IL20RB: variants seen among roughly 807,000 people sequenced by gnomAD.
The protein encoded by IL20RB is interleukin-20 receptor subunit beta.
In IL20RB, 21 loss-of-function variants were observed where a neutral mutation model predicts 33.3. That is an observed-to-expected ratio of 0.63 (90% confidence interval 0.45 to 0.91). IL20RB has a LOEUF of 0.91. Among genes scored for constraint, IL20RB ranks in the 40% least tolerant of loss-of-function variants. The pLI is 0.00. For synonymous variants in IL20RB, 147 were observed against 146.8 expected (o/e 1.00, Z -0.01); for missense variants, 345 against 384.8 (o/e 0.90, Z 0.86).
intron 6 of IL20RB, among the ~76,000 whole-genome samples, chr3:137,006,244 TG>T (rs138482818): frequency 0.33 from 49,790 of 151,890 alleles, 8,984 homozygotes; most frequent in Middle Eastern, 0.47. Flanking sequence ...TTATGTGTCT[TG>T]GGGTTGCTCT....
intron 4 of IL20RB, among the ~76,000 whole-genome samples, chr3:136,991,728 C>T (rs1942035562): frequency 6.6e-6 from 1 of 152,194 alleles, no homozygotes; most frequent in Admixed American, 6.5e-5. Context: ...CCTGCCTCAG[C>T]CTCCTGAGTA....
At chr3:137,009,012 G>A (rs1285447246) in intron 6 of IL20RB, among the ~76,000 whole-genome samples, 4 of 152,192 alleles carry the variant, frequency 2.6e-5, no homozygotes, top group African/African-American at 7.2e-5. Context: ...CAGCAGCAGC[G>A]AGCCAATGGG....
chr3:136,975,785 G>T (rs187448591), intron 1 of IL20RB, among the ~76,000 whole-genome samples: 10 of 152,334 alleles, frequency 6.6e-5, no homozygotes, highest in African/African-American at 2.4e-4. Context: ...AATTGTGGCA[G>T]TGGTGGTCTG....
intron 1 of IL20RB, among the ~76,000 whole-genome samples, chr3:136,958,646 G>T (rs181560578): frequency 6.6e-6 from 1 of 152,240 alleles, no homozygotes; most frequent in East Asian, 1.9e-4. Flanking sequence ...TATAAAAATT[G>T]GATTTCTCTA....
intron 6 of IL20RB, among the ~76,000 whole-genome samples, chr3:137,001,117 G>GA (rs1250638218): frequency 6.6e-6 from 1 of 152,130 alleles, no homozygotes; most frequent in African/African-American, 2.4e-5. Flanking sequence ...TCAGCTTTTG[G>GA]AGAAAACGAA....
rs940353673 is a variant in IL20RB, at chr3:136,989,560, G to T, written c.526G>T (p.Ala176Ser). The stretch of plus-strand genomic sequence containing the variant: ...GGCCTACTGGAGGAGGGAGCCTGGT[G>T]CCGAGGTGAGACTCCAGCCTTGGCC... ...LVAYWRREPG[A>S]EEHVKMVRSG... Residue 176 changes from alanine to serine, a missense_variant, in exon 4 of 7, where the codon GCC becomes TCC. Transcript: ENST00000329582. 4 of 1,613,734 alleles carry T rather than the reference G, an allele frequency of 2.5e-6. No individual in the cohort carries two copies. The African/African-American group carries it at 5.3e-5, about 22-fold the overall frequency.
intron 1 of IL20RB, among the ~76,000 whole-genome samples, chr3:136,975,791 G>T (rs1404411472): frequency 6.6e-6 from 1 of 152,212 alleles, no homozygotes; most frequent in Non-Finnish European, 1.5e-5. Context: ...GGCAGTGGTG[G>T]TCTGAGTATG....
chr3:136,983,226 T>G (rs1941824751), intron 3 of IL20RB, among the ~76,000 whole-genome samples: 1 of 152,168 alleles, frequency 6.6e-6, no homozygotes, highest in African/African-American at 2.4e-5. Flanking sequence ...TAGCTGGGAC[T>G]ACAGGCGTGC....
At chr3:136,961,230 TAGAG>T (rs1181722158) in intron 1 of IL20RB, among the ~76,000 whole-genome samples, 2 of 152,194 alleles carry the variant, frequency 1.3e-5, no homozygotes, top group Non-Finnish European at 2.9e-5. Context: ...GTGTGCTAGT[TAGAG>T]AGATTTTAAA....
intron 6 of IL20RB, among the ~76,000 whole-genome samples, chr3:137,000,005 G>A (rs559730497): frequency 3.3e-5 from 5 of 152,144 alleles, no homozygotes; most frequent in African/African-American, 4.8e-5. Flanking sequence ...TCTATTGATC[G>A]TTTTTTATTT....
intron 3 of IL20RB, among the ~76,000 whole-genome samples, chr3:136,983,148 C>T (rs1010103371): frequency 6.6e-6 from 1 of 151,766 alleles, no homozygotes. Flanking sequence ...TGTGCAGTGG[C>T]GTGATCTCAG....
At chr3:136,987,802 C>T (rs1047728230) in intron 3 of IL20RB, among the ~76,000 whole-genome samples, 14 of 152,210 alleles carry the variant, frequency 9.2e-5, no homozygotes, top group Non-Finnish European at 1.9e-4. Context: ...CTGGAGGACC[C>T]AGTACACCCT....
At chr3:136,969,705 TGTTC>T in intron 1 of IL20RB, among the ~76,000 whole-genome samples, 1 of 152,226 alleles carries the variant, frequency 6.6e-6, no homozygotes, top group Non-Finnish European at 1.5e-5. Context: ...TCACCAGAGC[TGTTC>T]CTATTCGGCC....
At position 136,975,722 on chromosome 3, in the gene IL20RB, G is replaced by T. The variant is rs115979523; in HGVS notation, c.89-4744G>T. ...AGTGGGTTAGGGTACAGTTATTGGA[G>T]TCTGTGGTGAAGTTGTGCTGTGGGA... On this transcript the variant is annotated intron_variant, in intron 1 of 6. Transcript: ENST00000329582. Among the ~76,000 whole-genome samples the T allele has an allele frequency of 6.2e-3, 944 of 152,334 alleles. 17 individuals are homozygous for T. Among genetic ancestry groups the T allele is most frequent in the African/African-American group, 0.022 (913 of 41,566 alleles).
chr3:136,959,180 AT>A (rs1427711786), intron 1 of IL20RB: 1 of 152,076 alleles, frequency 6.6e-6, no homozygotes, highest in East Asian at 1.9e-4. Flanking sequence ...CCCACCCTAT[AT>A]TTATTTAACC....
intron 3 of IL20RB, among the ~76,000 whole-genome samples, chr3:136,987,064 A>G (rs1299774206): frequency 6.6e-6 from 1 of 152,184 alleles, no homozygotes; most frequent in Admixed American, 6.5e-5. Context: ...AAGAGTGAGC[A>G]GTAGCAAGAT....
At position 136,995,280 on chromosome 3, in the gene IL20RB, C is replaced by T. The variant is rs552786798; in HGVS notation, c.683-134C>T. 7.4e-5 allele frequency: 79 copies of T among 1,060,756 alleles called. No individual in the cohort carries two copies. In the African/African-American group the frequency reaches 9.4e-4, roughly 13 times the overall value. The allele number at this position is 1,060,756 out of a possible 1,614,324, so 65.7% of individuals were successfully genotyped here. A position where few individuals can be genotyped will look rare whatever the true frequency, so the allele number is the denominator to read the frequency against. On this transcript the variant is annotated intron_variant, in intron 5 of 6. Coordinates refer to ENST00000329582, the MANE Select transcript of IL20RB (RefSeq NM_144717.4). Reference sequence around the variant, plus strand: ...TAATTTTGGTCACTAGGGCACACATCAAATCTCAGGATTCTGTTATCTGCC... The same window carrying T: ...TAATTTTGGTCACTAGGGCACACATTAAATCTCAGGATTCTGTTATCTGCC...
intron 1 of IL20RB, among the ~76,000 whole-genome samples, chr3:136,974,582 C>G (rs1204067261): frequency 6.6e-6 from 1 of 152,078 alleles, no homozygotes; most frequent in Non-Finnish European, 1.5e-5. Flanking sequence ...TCTTTGACTT[C>G]AGACAGTCTA....
At chr3:136,970,882 G>C (rs1941463854) in intron 1 of IL20RB, among the ~76,000 whole-genome samples, 1 of 152,038 alleles carries the variant, frequency 6.6e-6, no homozygotes, top group Non-Finnish European at 1.5e-5. Flanking sequence ...TCGATCTCCT[G>C]ACCTCGTGAT....
Sources: gnomAD v4.1 joint callset for allele counts (sites outside exome capture counted in the v4.1 genomes callset) on GRCh38, gnomAD v4.1.1 for gene constraint, MANE v1.5 for transcripts, NCBI Gene and HGNC (gene_info 2026-07-23, HGNC 2026-07-21) for gene names.